ROCK1: variants seen among roughly 807,000 people sequenced by gnomAD.
ROCK1 encodes Rho associated coiled-coil containing protein kinase 1, also known as rho-associated protein kinase 1.
A neutral mutation model predicts 196.8 loss-of-function variants in ROCK1; 36 were observed. The ratio of observed to expected loss-of-function variants is 0.18; its 90% CI spans 0.14 to 0.24. The LOEUF is 0.24. Among genes scored for constraint, ROCK1 ranks in the 10% least tolerant of loss-of-function variants. ROCK1 has a pLI of 1.00. For missense variants in ROCK1, 920 were observed against 1,562.0 expected (o/e 0.59, Z 6.93); for synonymous variants, 443 against 515.9 (o/e 0.86, Z 1.91).
intron 1 of ROCK1, among the ~76,000 whole-genome samples, chr18:21,095,767 T>C (rs1229023059): frequency 6.6e-6 from 1 of 151,340 alleles, no homozygotes; most frequent in Non-Finnish European, 1.5e-5. Context: ...ATGAATAAGA[T>C]CTAGTATTTG....
At chr18:21,038,781 G>A (rs1399622186) in intron 9 of ROCK1, among the ~76,000 whole-genome samples, 1 of 152,170 alleles carries the variant, frequency 6.6e-6, no homozygotes, top group Non-Finnish European at 1.5e-5. Flanking sequence ...ATGTCAGCAG[G>A]GGAAAGATGA....
chr18:21,015,769 C>G (rs984937393), intron 12 of ROCK1, among the ~76,000 whole-genome samples: 1 of 150,946 alleles, frequency 6.6e-6, no homozygotes, highest in African/African-American at 2.4e-5. Context: ...GTCAGGAGTT[C>G]GAGACCAGCT....
rs551275230 is a variant in ROCK1 at position 20,959,502 on chromosome 18, G to A, written c.3512+338C>T. Among the ~76,000 whole-genome samples, 39 of 151,262 alleles carry A rather than the reference G, an allele frequency of 2.6e-4. No individual in the cohort carries two copies. The East Asian group carries it at 5.9e-3, about 23-fold the overall frequency. ...GCTGGGGTTACAGGTGTGAGTCACC[G>A]CACCCGGCCCTCTTTCAAATATTTT... On this transcript the variant is annotated intron_variant, in intron 29 of 32. Transcript: ENST00000399799.
At chr18:20,975,518 G>C (rs1444854142) in intron 22 of ROCK1, among the ~76,000 whole-genome samples, 1 of 152,090 alleles carries the variant, frequency 6.6e-6, no homozygotes, top group Non-Finnish European at 1.5e-5. Flanking sequence ...CCAAGATAAT[G>C]AATAACCTTC....
At chr18:20,984,224 T>C in intron 20 of ROCK1, 127 bp downstream of exon 20, 1 of 713,220 alleles carries the variant, frequency 1.4e-6, no homozygotes, top group South Asian at 2.3e-5. Flanking sequence ...CTTTTACTTC[T>C]AAATACTTTT....
At chr18:21,061,868 G>A (rs769240610) in intron 2 of ROCK1, among the ~76,000 whole-genome samples, 1 of 152,150 alleles carries the variant, frequency 6.6e-6, no homozygotes. Flanking sequence ...TATTAGGGTT[G>A]AGTAAGTAAA....
At chr18:21,092,206 C>T (rs932530495) in intron 1 of ROCK1, among the ~76,000 whole-genome samples, 1 of 152,116 alleles carries the variant, frequency 6.6e-6, no homozygotes, top group African/African-American at 2.4e-5. Context: ...TGGAGAGTTA[C>T]AATGATGATT....
At chr18:20,965,701 T>C (rs1278742888) in intron 27 of ROCK1, among the ~76,000 whole-genome samples, 1 of 152,158 alleles carries the variant, frequency 6.6e-6, no homozygotes, top group African/African-American at 2.4e-5. Context: ...CAATAATGAA[T>C]CGTGTGTACC....
chr18:21,052,774 A>G (rs1276582821), intron 2 of ROCK1, among the ~76,000 whole-genome samples: 1 of 152,116 alleles, frequency 6.6e-6, no homozygotes, highest in African/African-American at 2.4e-5. Context: ...GAATAGTTTC[A>G]TAAAACCATC....
At chr18:21,076,961 C>CTTTTTT (rs71178160) in intron 1 of ROCK1, among the ~76,000 whole-genome samples, 1 of 65,964 alleles carries the variant, frequency 1.5e-5, no homozygotes, top group Non-Finnish European at 2.8e-5. Context: ...AAAGGACAGT[C>CTTTTTT]TTTTTTTTTT....
At chr18:21,064,917 G>A (rs1432881325) in intron 2 of ROCK1, among the ~76,000 whole-genome samples, 1 of 152,140 alleles carries the variant, frequency 6.6e-6, no homozygotes, top group Non-Finnish European at 1.5e-5. Flanking sequence ...TAAAGTCTTA[G>A]GCAGTTTTGC....
intron 1 of ROCK1, among the ~76,000 whole-genome samples, chr18:21,076,901 G>T (rs2036436650): frequency 6.6e-6 from 1 of 151,462 alleles, no homozygotes; most frequent in Non-Finnish European, 1.5e-5. Context: ...CCAAATGGTA[G>T]GAAAGTGTTA....
chr18:21,007,010 C>A (rs2035774331), intron 14 of ROCK1, among the ~76,000 whole-genome samples: 1 of 152,110 alleles, frequency 6.6e-6, no homozygotes, highest in Non-Finnish European at 1.5e-5. Context: ...TTTCTTCTTA[C>A]TGTTGTAAAT....
rs374090860 is a variant in ROCK1 at position 20,987,109 on chromosome 18, C to T, written c.2145G>A (p.Glu715=). 1.9e-6 allele frequency: 3 copies of T among 1,609,924 alleles called. No individual in the cohort carries two copies. Among genetic ancestry groups the T allele is most frequent in the Non-Finnish European group, 2.5e-6 (3 of 1,179,102 alleles). The change falls in exon 19 of 33, where the codon GAG becomes GAA. Residue 715 remains glutamate, a splice_region_variant and synonymous_variant. Transcript: ENST00000399799. ...TTTCTTCTTTCAGCTTTTTTTCCAT[C>T]TCTGGGAAAGCAAAAAGTTACAAAC... ...IEEAKSVAMC[E]MEKKLKEERE...
intron 12 of ROCK1, among the ~76,000 whole-genome samples, 178 bp downstream of exon 12, chr18:21,019,973 A>C (rs999305359): frequency 3.3e-5 from 5 of 152,070 alleles, no homozygotes; most frequent in Admixed American, 2.0e-4. Flanking sequence ...ATCTATAACT[A>C]AGCCAACATA....
At chr18:20,987,200 G>T in intron 18 of ROCK1, 90 bp from the exon 19 acceptor site, 1 of 1,149,770 alleles carries the variant, frequency 8.7e-7, no homozygotes, top group Non-Finnish European at 1.2e-6. Flanking sequence ...GGTTTCAAAT[G>T]TCTCTATTGT....
At chr18:21,101,494 C>A (rs1409682538) in intron 1 of ROCK1, among the ~76,000 whole-genome samples, 1 of 152,064 alleles carries the variant, frequency 6.6e-6, no homozygotes, top group African/African-American at 2.4e-5. Context: ...GATCTAACTA[C>A]CATTTTATAG....
chr18:21,041,768 T>A (rs754089684), intron 8 of ROCK1, among the ~76,000 whole-genome samples: 8 of 152,048 alleles, frequency 5.3e-5, no homozygotes, highest in Admixed American at 2.6e-4. Context: ...TACTCTAATT[T>A]CAGAGATGTT....
intron 2 of ROCK1, among the ~76,000 whole-genome samples, chr18:21,057,919 G>A (rs1192296530): frequency 6.6e-6 from 1 of 152,166 alleles, no homozygotes; most frequent in African/African-American, 2.4e-5. Flanking sequence ...GAGATACAAT[G>A]TGGGACCAAG....
Sources: allele counts gnomAD v4.1 joint callset (sites outside exome capture counted in the v4.1 genomes callset), GRCh38; gene constraint gnomAD v4.1.1; transcripts MANE v1.5; gene names NCBI Gene and HGNC (gene_info 2026-07-23, HGNC 2026-07-21).